UBASH3B: variants seen among roughly 807,000 people sequenced by gnomAD.
UBASH3B encodes the protein ubiquitin-associated and SH3 domain-containing protein B.
Under a neutral mutation model 83.4 loss-of-function variants are expected in UBASH3B, and 37 were observed. That is an observed-to-expected ratio of 0.44 (90% CI 0.34 to 0.58). The LOEUF (loss-of-function observed/expected upper bound fraction) is 0.58. Among genes scored for constraint, UBASH3B ranks in the 20% least tolerant of loss-of-function variants. The pLI is 0.01. For missense variants in UBASH3B, 657 were observed against 827.2 expected (o/e 0.79, Z 2.52); for synonymous variants, 304 against 318.3 (o/e 0.96, Z 0.48).
Position 122,768,466 on chromosome 11 carries a change from A to AGGTATGTGTGTGTGTG in UBASH3B, c.162-7753_162-7752insGGTATGTGTGTGTGTG, listed in dbSNP as rs745861229. 1.3e-3 allele frequency among the ~76,000 whole-genome samples: 162 copies of AGGTATGTGTGTGTGTG among 128,942 alleles called. 1 individual carries two copies. Among genetic ancestry groups the AGGTATGTGTGTGTGTG allele is most frequent in the Non-Finnish European group, 2.1e-3 (137 of 63,788 alleles). 84.6% of individuals were successfully genotyped at this position (128,942 alleles called of 152,430 possible). A position where few individuals can be genotyped will look rare whatever the true frequency, so the allele number is the denominator to read the frequency against. On this transcript the variant is annotated intron_variant, in intron 1 of 13. Transcript: ENST00000284273. ...AAAAAAGAAAAAGATAGAGATATAT[A>AGGTATGTGTGTGTGTG]TGTATGTGTGTGTGTGTGTGTGTGT... is the stretch of plus-strand genomic sequence containing the variant.
chr11:122,800,270 T>C (rs1267059489), intron 10 of UBASH3B, among the ~76,000 whole-genome samples: 1 of 151,484 alleles, frequency 6.6e-6, no homozygotes, highest in Non-Finnish European at 1.5e-5. Flanking sequence ...CCAGGCGCAG[T>C]GGCTCACGCC....
chr11:122,662,280 T>C (rs556109001), intron 1 of UBASH3B, among the ~76,000 whole-genome samples: 7 of 152,300 alleles, frequency 4.6e-5, no homozygotes, highest in Non-Finnish European at 5.9e-5. Flanking sequence ...TATTTAAAGA[T>C]TGATACATTT....
chr11:122,757,800 G>A (rs1280587779), intron 1 of UBASH3B, among the ~76,000 whole-genome samples: 4 of 138,250 alleles, frequency 2.9e-5, no homozygotes, highest in Admixed American at 8.1e-5. Context: ...TGCAACCTTC[G>A]CCTCCCAGGT....
intron 1 of UBASH3B, among the ~76,000 whole-genome samples, chr11:122,765,740 TAA>T (rs1274177806): frequency 1.3e-5 from 2 of 152,214 alleles, no homozygotes; most frequent in Non-Finnish European, 2.9e-5. Context: ...TATCTCCATA[TAA>T]GTCTTTTGGA....
Position 122,776,228 on chromosome 11 carries a change from C to G in UBASH3B, c.171C>G (p.Ala57=), listed in dbSNP as rs34347341. 5,755 of 1,610,398 alleles carry G rather than the reference C, an allele frequency of 3.6e-3. 19 individuals carry two copies. Among genetic ancestry groups the G allele is most frequent in the Middle Eastern group, 6.4e-3 (39 of 6,050 alleles). Residue 57 remains alanine, a synonymous_variant, in exon 2 of 14, where the codon GCC becomes GCG. Coordinates refer to ENST00000284273, the MANE Select transcript of UBASH3B (RefSeq NM_032873.5). ...MGFPRARAQK[A]LASTGGRSVQ... ...TGATTTCTTCTTTCAGACAAAAAGCCTTGGCATCCACGGGAGGAAGAAGTG... is the reference window on the plus strand; with the variant it reads ...TGATTTCTTCTTTCAGACAAAAAGCGTTGGCATCCACGGGAGGAAGAAGTG...
chr11:122,658,752 T>G (rs1863395854), intron 1 of UBASH3B, among the ~76,000 whole-genome samples: 1 of 152,238 alleles, frequency 6.6e-6, no homozygotes, highest in African/African-American at 2.4e-5. Flanking sequence ...GTGGGTAAAA[T>G]GCTTAGAACA....
At chr11:122,771,785 ACACACT>A (rs1337633286) in intron 1 of UBASH3B, among the ~76,000 whole-genome samples, 18 of 143,256 alleles carry the variant, frequency 1.3e-4, no homozygotes, top group East Asian at 1.0e-3. Flanking sequence ...ACACACACAC[ACACACT>A]AAAATAATAA....
intron 1 of UBASH3B, among the ~76,000 whole-genome samples, chr11:122,702,695 T>C (rs1386013432): frequency 6.6e-6 from 1 of 152,032 alleles, no homozygotes; most frequent in Non-Finnish European, 1.5e-5. Flanking sequence ...CGGCAAATTT[T>C]TGTATTTTTA....
chr11:122,694,954 C>CTTTTTTTTTTTTTTTTTTT (rs71054088), intron 1 of UBASH3B, among the ~76,000 whole-genome samples: 1 of 50,414 alleles, frequency 2.0e-5, no homozygotes, highest in Non-Finnish European at 3.6e-5. Flanking sequence ...TCTTTTCTTT[C>CTTTTTTTTTTTTTTTTTTT]TTTTTTTTTT....
intron 1 of UBASH3B, among the ~76,000 whole-genome samples, chr11:122,771,788 C>T (rs1565558843): frequency 8.0e-6 from 1 of 125,050 alleles, no homozygotes; most frequent in African/African-American, 2.9e-5. Context: ...CACACACACA[C>T]ACTAAAATAA....
intron 1 of UBASH3B, among the ~76,000 whole-genome samples, chr11:122,678,516 C>T (rs1252149370): frequency 6.6e-6 from 1 of 152,206 alleles, no homozygotes; most frequent in African/African-American, 2.4e-5. Flanking sequence ...AAATCTCTTT[C>T]CTAGGTCTCT....
intron 1 of UBASH3B, among the ~76,000 whole-genome samples, chr11:122,696,494 C>T (rs144145774): frequency 0.019 from 2,837 of 151,316 alleles, 30 homozygotes; most frequent in Non-Finnish European, 0.03. Flanking sequence ...CATTTTTAGT[C>T]GAGACAGGGT....
intron 1 of UBASH3B, among the ~76,000 whole-genome samples, chr11:122,664,089 A>G (rs529151934): frequency 7.2e-5 from 11 of 152,242 alleles, no homozygotes; most frequent in Admixed American, 5.9e-4. Flanking sequence ...AGCTTTGGGT[A>G]TAAGGCTGTA....
chr11:122,806,655 C>A lies in UBASH3B; in HGVS notation c.1702+139C>A. On this transcript the variant is annotated intron_variant, in intron 12 of 13. Coordinates refer to ENST00000284273, the MANE Select transcript of UBASH3B (RefSeq NM_032873.5). The surrounding 1 kb of genome is among the most constrained non-coding windows in gnomAD (Gnocchi z 4.0). ...CCAGATTTTCTTCCAGATACTTTTACATTAAATTTGTAATATTCTCTGAGT... is the reference window on the plus strand; with the variant it reads ...CCAGATTTTCTTCCAGATACTTTTAAATTAAATTTGTAATATTCTCTGAGT... 1 of 1,249,800 alleles carries A rather than the reference C, an allele frequency of 8.0e-7. No individual in the cohort carries two copies. Among genetic ancestry groups the A allele is most frequent in the Non-Finnish European group, 1.0e-6 (1 of 961,490 alleles). 77.4% of individuals were successfully genotyped at this position (1,249,800 alleles called of 1,614,324 possible). A position where few individuals can be genotyped will look rare whatever the true frequency, so the allele number is the denominator to read the frequency against.
intron 1 of UBASH3B, among the ~76,000 whole-genome samples, chr11:122,752,099 T>C (rs1372967452): frequency 1.3e-5 from 2 of 152,214 alleles, no homozygotes; most frequent in Non-Finnish European, 2.9e-5. Flanking sequence ...ATAGTCTACC[T>C]GTATAAAGCT....
At chr11:122,696,324 G>A (rs909372495) in intron 1 of UBASH3B, among the ~76,000 whole-genome samples, 1 of 102,798 alleles carries the variant, frequency 9.7e-6, no homozygotes, top group South Asian at 3.3e-4. Flanking sequence ...AGGGCCCTAC[G>A]TTTCTTTTTC....
At chr11:122,717,666 C>T (rs1324387678) in intron 1 of UBASH3B, among the ~76,000 whole-genome samples, 1 of 152,194 alleles carries the variant, frequency 6.6e-6, no homozygotes, top group Non-Finnish European at 1.5e-5. Flanking sequence ...CGCTGTACCT[C>T]GTGATATCAC....
chr11:122,661,913 T>TC (rs138564226), intron 1 of UBASH3B, among the ~76,000 whole-genome samples: 47,148 of 145,402 alleles, frequency 0.32, 8,275 homozygotes, highest in Non-Finnish European at 0.38. Context: ...TTTCTTTTTT[T>TC]TTTTTTTTTT....
At chr11:122,680,321 G>A (rs1023539829) in intron 1 of UBASH3B, among the ~76,000 whole-genome samples, 2 of 144,892 alleles carry the variant, frequency 1.4e-5, no homozygotes, top group African/African-American at 4.9e-5. Flanking sequence ...TCAAAGGCAC[G>A]GGGAAGGACA....
Sources: gnomAD v4.1 joint callset for allele counts (sites outside exome capture counted in the v4.1 genomes callset) on GRCh38, gnomAD v4.1.1 for gene constraint, Gnocchi (gnomAD v3.1) non-coding constraint, MANE v1.5 for transcripts, NCBI Gene and HGNC (gene_info 2026-07-23, HGNC 2026-07-21) for gene names.